Variants in AGAP1 observed in about 807,000 individuals in gnomAD.
The protein encoded by AGAP1 is ArfGAP with GTPase domain, ankyrin repeat and PH domain 1, also known as arf-GAP with GTPase, ANK repeat and PH domain-containing protein 1.
A neutral mutation model predicts 105.3 loss-of-function variants in AGAP1; 29 were observed. The observed-to-expected ratio is 0.28, with a 90% confidence interval of 0.21 to 0.38. The LOEUF (loss-of-function observed/expected upper bound fraction) is 0.38. AGAP1 is among the 10% of genes least tolerant of loss of function. The pLI is 1.00. For synonymous variants in AGAP1, 509 were observed against 485.9 expected (o/e 1.05, Z -0.63); for missense variants, 998 against 1,165.1 (o/e 0.86, Z 2.09).
intron 1 of AGAP1, among the ~76,000 whole-genome samples, chr2:235,509,149 T>C (rs1348011348): frequency 1.3e-5 from 2 of 152,194 alleles, no homozygotes; most frequent in African/African-American, 2.4e-5. Flanking sequence ...AAATTAATGG[T>C]GGGTTTTATA....
intron 16 of AGAP1, among the ~76,000 whole-genome samples, chr2:236,091,255 G>C (rs1288303291): frequency 6.6e-6 from 1 of 152,174 alleles, no homozygotes; most frequent in Non-Finnish European, 1.5e-5. Context: ...GCTAGTCCAG[G>C]TCGCCTGGGG....
chr2:235,853,147 GC>G, intron 9 of AGAP1: 2 of 1,153,548 alleles, frequency 1.7e-6, no homozygotes, highest in Non-Finnish European at 2.1e-6. Context: ...CTGGCGCTTT[GC>G]ATGTTTTGGG....
chr2:235,912,926 C>T (rs114300630), intron 11 of AGAP1, among the ~76,000 whole-genome samples: 98 of 152,250 alleles, frequency 6.4e-4, no homozygotes, highest in African/African-American at 2.3e-3. Flanking sequence ...GTGTTTCTTA[C>T]GTTGTAATTA....
At chr2:235,803,160 A>G (rs1957663599) in intron 8 of AGAP1, among the ~76,000 whole-genome samples, 1 of 143,632 alleles carries the variant, frequency 7.0e-6, no homozygotes, top group Admixed American at 6.9e-5. Flanking sequence ...GATGGTGATG[A>G]TGGTTGTGGT....
rs1221051980 is a variant in AGAP1 at position 235,550,182 on chromosome 2, T to C, written c.163+55333T>C. ...TGCACACTCCCAGCACCCGTGGCAG[T>C]CTTAGCAGGTGGATTATCACCGAGC... On this transcript the variant is annotated intron_variant, in intron 1 of 17. Transcript: ENST00000304032. This position sits in a 1 kb window ranked among gnomAD's most constrained non-coding sequence, Gnocchi z 4.6. 2.0e-5 allele frequency among the ~76,000 whole-genome samples: 3 copies of C among 152,116 alleles called. No individual in the cohort carries two copies. The highest frequency in any genetic ancestry group is 2.0e-4 in the Admixed American group (3 of 15,278).
intron 6 of AGAP1, among the ~76,000 whole-genome samples, chr2:235,759,994 A>C (rs1728291): frequency 6.6e-6 from 1 of 152,084 alleles, no homozygotes; most frequent in Non-Finnish European, 1.5e-5. Flanking sequence ...TCTTACCCTC[A>C]TGAAGCTATA....
chr2:235,826,906 T>C (rs1412631962), intron 9 of AGAP1, among the ~76,000 whole-genome samples: 2 of 152,112 alleles, frequency 1.3e-5, no homozygotes, highest in Non-Finnish European at 2.9e-5. Flanking sequence ...TGATTTCATA[T>C]CTCCTTCCTC....
In AGAP1 at chr2:236,113,227, G is replaced by A. The variant is rs763283506; in HGVS notation, c.2115-6965G>A. ...GCAATCTCAACTCACTGCAACCTCC[G>A]CCTCCCGGGTTCAAGCAATTCTCTG... On this transcript the variant is annotated intron_variant, in intron 16 of 17. Coordinates refer to ENST00000304032, the MANE Select transcript of AGAP1 (RefSeq NM_001037131.3). This position sits in a 1 kb window ranked among gnomAD's most constrained non-coding sequence, Gnocchi z 4.3. Among the ~76,000 whole-genome samples, 7 of 152,062 alleles carry A rather than the reference G, an allele frequency of 4.6e-5. No homozygotes were observed. The highest frequency in any genetic ancestry group is 1.2e-4 in the African/African-American group (5 of 41,402).
chr2:235,975,767 C>G (rs951319472), intron 13 of AGAP1, among the ~76,000 whole-genome samples: 2 of 152,158 alleles, frequency 1.3e-5, no homozygotes, highest in African/African-American at 2.4e-5. Context: ...CTTTTCTTCT[C>G]CATGAACATT....
intron 13 of AGAP1, among the ~76,000 whole-genome samples, chr2:235,974,036 C>T (rs2054761074): frequency 6.6e-6 from 1 of 152,216 alleles, no homozygotes; most frequent in South Asian, 2.1e-4. Flanking sequence ...TGAACGGTCT[C>T]TGCAGTCCCA....
At chr2:235,571,932 TTGTGTGTGTG>T (rs141898525) in intron 1 of AGAP1, among the ~76,000 whole-genome samples, 10 of 103,656 alleles carry the variant, frequency 9.6e-5, no homozygotes, top group East Asian at 6.6e-4. Context: ...TGCCCACACT[TTGTGTGTGTG>T]TGTGTGTGTG....
intron 16 of AGAP1, among the ~76,000 whole-genome samples, chr2:236,071,752 C>T (rs2058502454): frequency 6.6e-6 from 1 of 152,212 alleles, no homozygotes; most frequent in Non-Finnish European, 1.5e-5. Context: ...TGGCCAGCAG[C>T]ATAGGAGTGC....
intron 8 of AGAP1, among the ~76,000 whole-genome samples, chr2:235,802,837 G>A (rs892955610): frequency 6.7e-6 from 1 of 149,810 alleles, no homozygotes. Context: ...TGTGATGATG[G>A]TTATGGTTGT....
At chr2:235,860,693 C>T (rs1216679445) in intron 9 of AGAP1, among the ~76,000 whole-genome samples, 4 of 152,178 alleles carry the variant, frequency 2.6e-5, no homozygotes. Context: ...ATGTTTCTGA[C>T]ATTTTAATAG....
chr2:235,978,263 G>A (rs1194015010), intron 13 of AGAP1, among the ~76,000 whole-genome samples: 2 of 152,110 alleles, frequency 1.3e-5, no homozygotes, highest in African/African-American at 4.8e-5. Context: ...CCTGGCTGTG[G>A]GATTAATGTC....
Position 235,690,107 on chromosome 2 carries a change from C to G in AGAP1, c.164-19072C>G, listed in dbSNP as rs1949668173. Among the ~76,000 whole-genome samples the G allele has an allele frequency of 6.6e-6, 1 of 152,040 alleles. No individual in the cohort carries two copies. ...CATGCAGTATTGACACTCTCTTCTC[C>G]CCAGGTGCTGAGTCCCCAGGTTCCC... On this transcript the variant is annotated intron_variant, in intron 1 of 17. Coordinates refer to ENST00000304032, the MANE Select transcript of AGAP1 (RefSeq NM_001037131.3). This position sits in a 1 kb window ranked among gnomAD's most constrained non-coding sequence, Gnocchi z 4.1.
chr2:235,619,302 A>T (rs1946400692), intron 1 of AGAP1, among the ~76,000 whole-genome samples: 1 of 152,202 alleles, frequency 6.6e-6, no homozygotes, highest in African/African-American at 2.4e-5. Context: ...GATTTGCCCG[A>T]GTTCACATCA....
At chr2:235,941,388 C>T (rs1206958946) in intron 12 of AGAP1, among the ~76,000 whole-genome samples, 1 of 152,200 alleles carries the variant, frequency 6.6e-6, no homozygotes, top group Non-Finnish European at 1.5e-5. Flanking sequence ...ACTGTGGCCA[C>T]CCACTGCCCT....
chr2:236,018,056 CTG>C (rs1289204308), intron 13 of AGAP1, among the ~76,000 whole-genome samples: 2 of 152,220 alleles, frequency 1.3e-5, no homozygotes, highest in Non-Finnish European at 2.9e-5. Context: ...TATCTTTTGT[CTG>C]TCCATTGTGG....
Sources: allele counts gnomAD v4.1 joint callset (sites outside exome capture counted in the v4.1 genomes callset), GRCh38; gene constraint gnomAD v4.1.1; non-coding constraint Gnocchi (gnomAD v3.1); transcripts MANE v1.5; gene names NCBI Gene and HGNC (gene_info 2026-07-23, HGNC 2026-07-21).